The following DST variants were observed in gnomAD, a reference collection of about 807,000 sequenced individuals.
DST encodes bullous pemphigoid antigen.
A neutral mutation model predicts 875.2 loss-of-function variants in DST; 253 were observed. The observed-to-expected ratio is 0.29, with a 90% confidence interval of 0.26 to 0.32. The LOEUF (loss-of-function observed/expected upper bound fraction) is 0.32, where lower values mean the gene tolerates loss of function less well. Ranked by LOEUF, DST falls within the 10% of genes least tolerant of loss-of-function variation. The pLI is 1.00. For missense variants in DST, 8,287 were observed against 9,111.6 expected, an observed-to-expected ratio of 0.91 and a Z score of 3.68; for synonymous variants, 3,124 against 3,197.1, an observed-to-expected ratio of 0.98 and a Z score of 0.77.
intron 4 of DST, among the ~76,000 whole-genome samples, chr6:56,740,836 C>T (rs1438777368): frequency 6.6e-6 from 1 of 152,010 alleles, no homozygotes; most frequent in Non-Finnish European, 1.5e-5. Context: ...AAATTACTTC[C>T]TAGGTAATAT....
chr6:56,764,161 C>A (rs1399975989), intron 4 of DST, among the ~76,000 whole-genome samples: 1 of 151,410 alleles, frequency 6.6e-6, no homozygotes, highest in East Asian at 1.9e-4. Context: ...GAGACATCAA[C>A]CCTGGTCTGA....
intron 4 of DST, among the ~76,000 whole-genome samples, chr6:56,778,750 ATATGTGCCAC>A (rs2099685276): frequency 6.6e-6 from 1 of 151,886 alleles, no homozygotes; most frequent in Non-Finnish European, 1.5e-5. Context: ...TCCATGGTGT[ATATGTGCCAC>A]ATTTTCTTAA....
chr6:56,848,596 A>G (rs1442356803), intron 4 of DST, among the ~76,000 whole-genome samples: 1 of 152,248 alleles, frequency 6.6e-6, no homozygotes, highest in Non-Finnish European at 1.5e-5. Flanking sequence ...GGCCAGTTTA[A>G]CACATAATAT....
chr6:56,821,504 A>G (rs2099773034), intron 4 of DST, among the ~76,000 whole-genome samples: 1 of 152,244 alleles, frequency 6.6e-6, no homozygotes, highest in Admixed American at 6.5e-5. Flanking sequence ...GCATTAAACC[A>G]GAAATGAGAA....
In DST at chr6:56,883,569, C is replaced by T. The variant is rs140471104; in HGVS notation, c.417+16852G>A. 3.0e-3 allele frequency among the ~76,000 whole-genome samples: 451 copies of T among 152,218 alleles called. 2 individuals are homozygous for T. The highest frequency in any genetic ancestry group is 0.014 in the Middle Eastern group (4 of 294). ...TTAACAAAAATTTAGGCTTACTCTA[C>T]GGAAAACAAAAGTGTTGATGATGCA... On this transcript the variant is annotated intron_variant, in intron 3 of 103. Transcript: ENST00000680361.
intron 49 of DST, among the ~76,000 whole-genome samples, chr6:56,581,709 G>C (rs2098000989): frequency 6.6e-6 from 1 of 152,214 alleles, no homozygotes; most frequent in South Asian, 2.1e-4. Flanking sequence ...TTCTACTCCT[G>C]CATTTGGATT....
intron 4 of DST, among the ~76,000 whole-genome samples, chr6:56,834,409 C>G (rs1009446280): frequency 9.2e-5 from 14 of 152,194 alleles, no homozygotes; most frequent in African/African-American, 3.4e-4. Flanking sequence ...CCAGCCTAAC[C>G]AATATGGTGA....
At chr6:56,948,218 G>A (rs189974623) in intron 2 of DST, among the ~76,000 whole-genome samples, 7 of 152,058 alleles carry the variant, frequency 4.6e-5, no homozygotes, top group South Asian at 2.1e-4. Context: ...TTCAGCATAC[G>A]ATTTTTTTTT....
chr6:56,797,608 C>A (rs1317776727), intron 4 of DST, among the ~76,000 whole-genome samples: 2 of 151,974 alleles, frequency 1.3e-5, no homozygotes, highest in African/African-American at 2.4e-5. Context: ...CTGAGGCAGG[C>A]GAATCACCTG....
At position 56,929,021 on chromosome 6, in the gene DST, T is replaced by C. The variant is rs1228853297; in HGVS notation, c.216+24764A>G. Reference sequence around the variant, plus strand: ...GTTCAACAAAAATACTGATTTTTTTTCCTTTGGAATTAGACAACCCAATTC... The same window carrying C: ...GTTCAACAAAAATACTGATTTTTTTCCCTTTGGAATTAGACAACCCAATTC... On this transcript the variant is annotated intron_variant, in intron 2 of 103. Transcript: ENST00000680361. Among the ~76,000 whole-genome samples the C allele has an allele frequency of 3.3e-5, 5 of 152,240 alleles. No homozygotes were observed. The East Asian group carries it at 9.6e-4, about 29-fold the overall frequency.
intron 2 of DST, among the ~76,000 whole-genome samples, chr6:56,949,079 T>C (rs1043177567): frequency 2.6e-5 from 4 of 152,218 alleles, no homozygotes; most frequent in African/African-American, 9.6e-5. Flanking sequence ...ATGCCAATAA[T>C]TATTGTTATT....
In DST at chr6:56,799,631, T is replaced by G. The variant is rs564363064; in HGVS notation, c.625+51766A>C. Among the ~76,000 whole-genome samples, 7 of 141,196 alleles carry G rather than the reference T, an allele frequency of 5.0e-5. No individual in the cohort carries two copies. The East Asian group carries it at 1.4e-3, about 28-fold the overall frequency. 92.6% of individuals were successfully genotyped at this position (141,196 alleles called of 152,430 possible). ...TGTGTTTTTTGTTTGTTTGGTTTTGTTTTTTTTTTGAGACAGAGTCTTGCC... is the reference window on the plus strand; with the variant it reads ...TGTGTTTTTTGTTTGTTTGGTTTTGGTTTTTTTTTGAGACAGAGTCTTGCC... On this transcript the variant is annotated intron_variant, in intron 4 of 103. Transcript: ENST00000680361.
At chr6:56,920,704 T>C (rs1803646159) in intron 2 of DST, among the ~76,000 whole-genome samples, 1 of 150,388 alleles carries the variant, frequency 6.6e-6, no homozygotes, top group Non-Finnish European at 1.5e-5. Flanking sequence ...TCAACAGCGG[T>C]TTTTCTTTTT....
intron 92 of DST, among the ~76,000 whole-genome samples, chr6:56,475,394 AACACAC>A (rs35690052): frequency 1.3e-3 from 183 of 144,974 alleles, no homozygotes; most frequent in African/African-American, 2.0e-3. Context: ...AGGCTTTTAA[AACACAC>A]ACACACACAC....
At chr6:56,640,100 C>G in intron 18 of DST, 43 bp from the exon 19 acceptor site, 2 of 1,613,536 alleles carry the variant, frequency 1.2e-6, no homozygotes, top group South Asian at 1.1e-5. Flanking sequence ...AAATTGATAA[C>G]AATAAAGACT....
intron 61 of DST, among the ~76,000 whole-genome samples, chr6:56,545,905 C>A (rs2097212916): frequency 6.6e-6 from 1 of 152,092 alleles, no homozygotes; most frequent in Non-Finnish European, 1.5e-5. Flanking sequence ...AAAAATTGTT[C>A]TTTCTAAAAC....
At chr6:56,507,628 T>C (rs2096361717) in intron 75 of DST, among the ~76,000 whole-genome samples, 2 of 152,114 alleles carry the variant, frequency 1.3e-5, no homozygotes, top group Non-Finnish European at 2.9e-5. Context: ...AGTGAGGAAA[T>C]AAGATGCGCA....
intron 9 of DST, among the ~76,000 whole-genome samples, chr6:56,687,335 T>C (rs926738661): frequency 1.3e-5 from 2 of 152,212 alleles, no homozygotes; most frequent in Non-Finnish European, 2.9e-5. Flanking sequence ...TCCTACCTGA[T>C]GAGTTTCATT....
chr6:56,723,599 C>G (rs1194693201), intron 5 of DST, among the ~76,000 whole-genome samples: 1 of 152,118 alleles, frequency 6.6e-6, no homozygotes. Context: ...TGTGAGAAAA[C>G]ATTTCTGCAA....
Sources: allele counts gnomAD v4.1 joint callset (sites outside exome capture counted in the v4.1 genomes callset), GRCh38; gene constraint gnomAD v4.1.1; transcripts MANE v1.5; gene names NCBI Gene and HGNC (gene_info 2026-07-23, HGNC 2026-07-21).